The following PDE3A variants were observed in gnomAD, a reference collection of about 807,000 sequenced individuals.
PDE3A encodes cGMP-inhibited 3',5'-cyclic phosphodiesterase 3A.
In PDE3A, 43 loss-of-function variants were observed where a neutral mutation model predicts 98.3. The observed-to-expected ratio is 0.44, with a 90% CI of 0.34 to 0.56. The LOEUF is 0.56. PDE3A is among the 20% of genes least tolerant of loss of function. The probability of loss-of-function intolerance (pLI) is 0.01; values close to 1 mark genes in which losing one functional copy is unlikely to be tolerated. For synonymous variants in PDE3A, 663 were observed against 567.9 expected, an observed-to-expected ratio of 1.17 and a Z score of -2.38; for missense variants, 1,427 against 1,440.7, an observed-to-expected ratio of 0.99 and a Z score of 0.15.
At chr12:20,570,584 A>C (rs1204465311) in intron 2 of PDE3A, among the ~76,000 whole-genome samples, 10 of 152,270 alleles carry the variant, frequency 6.6e-5, no homozygotes, top group African/African-American at 2.2e-4. Flanking sequence ...AAAATAAGGC[A>C]GTGGTTTTCC....
At chr12:20,598,174 A>AATTATTATTATT (rs533512178) in intron 2 of PDE3A, among the ~76,000 whole-genome samples, 111 of 150,156 alleles carry the variant, frequency 7.4e-4, no homozygotes, top group African/African-American at 2.4e-3. Flanking sequence ...TTCTTTTTTT[A>AATTATTATTATT]ATTATTATTA....
intron 1 of PDE3A, among the ~76,000 whole-genome samples, chr12:20,398,814 G>A (rs1431209376): frequency 6.6e-6 from 1 of 152,002 alleles, no homozygotes; most frequent in Non-Finnish European, 1.5e-5. Flanking sequence ...TTAAAATGTG[G>A]TAACATATAC....
chr12:20,520,358 C>G (rs530301164), intron 1 of PDE3A, among the ~76,000 whole-genome samples: 2 of 152,208 alleles, frequency 1.3e-5, no homozygotes, highest in East Asian at 3.9e-4. Context: ...GCATATTTAG[C>G]TAATTATTTG....
chr12:20,620,446 T>C (rs1326259090), intron 4 of PDE3A, among the ~76,000 whole-genome samples: 2 of 152,090 alleles, frequency 1.3e-5, no homozygotes, highest in Non-Finnish European at 2.9e-5. Context: ...CGAAATTCCC[T>C]TCTCTCCCAC....
At chr12:20,578,163 A>C (rs574971880) in intron 2 of PDE3A, among the ~76,000 whole-genome samples, 1 of 152,296 alleles carries the variant, frequency 6.6e-6, no homozygotes, top group Non-Finnish European at 1.5e-5. Flanking sequence ...AGTTAGTCTA[A>C]TATGCTCCCC....
chr12:20,670,289 C>A (rs889784836), intron 15 of PDE3A, among the ~76,000 whole-genome samples: 17 of 147,192 alleles, frequency 1.2e-4, no homozygotes, highest in Middle Eastern at 7.0e-3. Context: ...GACAGATCAA[C>A]GAGACAGAAA....
At position 20,683,663 on chromosome 12, in the gene PDE3A, C is replaced by G. The variant is rs1189160267; in HGVS notation, c.*3392C>G. 1 of 152,018 alleles carries G rather than the reference C, an allele frequency of 6.6e-6. No individual in the cohort carries two copies. Among genetic ancestry groups the G allele is most frequent in the African/African-American group, 2.4e-5 (1 of 41,388 alleles). 9.4% of individuals were successfully genotyped at this position (152,018 alleles called of 1,614,324 possible). On this transcript the variant is annotated 3_prime_UTR_variant, in exon 16 of 16. Transcript: ENST00000359062. ...AATATTTTTTGTCATTTAGATAAGA[C>G]CTGGTTTGGCTCTCAATAAAAGATG...
chr12:20,659,102 C>G (rs73238434), intron 15 of PDE3A, among the ~76,000 whole-genome samples: 3,006 of 152,114 alleles, frequency 0.02, 117 homozygotes, highest in African/African-American at 0.07. Flanking sequence ...CCAAAGTATC[C>G]TGGAAAGTAT....
intron 1 of PDE3A, among the ~76,000 whole-genome samples, chr12:20,416,301 G>T (rs1397377825): frequency 6.6e-6 from 1 of 152,154 alleles, no homozygotes; most frequent in Non-Finnish European, 1.5e-5. Flanking sequence ...TCTAAATTAT[G>T]TGAAACAGAC....
At chr12:20,638,182 T>A (rs1944563584) in intron 9 of PDE3A, among the ~76,000 whole-genome samples, 1 of 152,172 alleles carries the variant, frequency 6.6e-6, no homozygotes, top group African/African-American at 2.4e-5. Flanking sequence ...AGAGATGAGC[T>A]TTCTTTGGAC....
intron 1 of PDE3A, among the ~76,000 whole-genome samples, chr12:20,510,382 T>C (rs1341781424): frequency 6.6e-6 from 1 of 152,108 alleles, no homozygotes; most frequent in Non-Finnish European, 1.5e-5. Flanking sequence ...AAATTGACTA[T>C]ATTTAATTAG....
intron 1 of PDE3A, among the ~76,000 whole-genome samples, chr12:20,550,261 G>A (rs1942162934): frequency 6.6e-6 from 1 of 152,130 alleles, no homozygotes; most frequent in Non-Finnish European, 1.5e-5. Context: ...GAGGATAACA[G>A]TGTTAATAGT....
In PDE3A at chr12:20,369,715, T is replaced by C; in HGVS notation, c.431T>C (p.Phe144Ser). 1 of 1,612,278 alleles carries C rather than the reference T, an allele frequency of 6.2e-7. No homozygotes were observed. Among genetic ancestry groups the C allele is most frequent in the Non-Finnish European group, 8.5e-7 (1 of 1,179,738 alleles). Residue 144 changes from phenylalanine (F) to serine (S), a missense_variant, in exon 1 of 16, where the codon TTC becomes TCC. This residue lies in a region of PDE3A where 1,012 missense variants were observed against 886.5 expected (regional missense o/e 1.14). Transcript: ENST00000359062. Reference protein sequence around the residue: ...ALLFSLLCAFFWMGLYLLRAG... With the variant: ...ALLFSLLCAFSWMGLYLLRAG... ...CTCTTCAGTCTCCTGTGTGCCTTCT[T>C]CTGGATGGGCTTGTACCTCCTGCGC...
chr12:20,437,593 A>T (rs1432683350), intron 1 of PDE3A, among the ~76,000 whole-genome samples: 1 of 152,078 alleles, frequency 6.6e-6, no homozygotes, highest in Non-Finnish European at 1.5e-5. Context: ...CGAGAAAGGG[A>T]GCAAAGTGAA....
Position 20,654,050 on chromosome 12 carries a change from G to T in PDE3A, c.3029G>T (p.Gly1010Val), listed in dbSNP as rs955793355. 1 of 1,614,046 alleles carries T rather than the reference G, an allele frequency of 6.2e-7. No individual in the cohort carries two copies. Among genetic ancestry groups the T allele is most frequent in the Admixed American group, 1.7e-5 (1 of 60,008 alleles). The change falls in exon 15 of 16, where the codon GGG becomes GTG. Residue 1010 changes from glycine to valine, a missense_variant. By Grantham distance (109) the Gly-to-Val change is moderately radical (BLOSUM62 -3). This residue lies in a region of PDE3A where 273 missense variants were observed against 420.3 expected (regional missense o/e 0.65). Transcript: ENST00000359062. The part of the protein sequence containing the change: ...LQESFISHIV[G>V]PLCNSYDSAG... ...GAATCCTTCATCTCTCACATTGTGG[G>T]GCCTCTGTGCAACTCCTATGATTCA...
chr12:20,621,201 A>G, intron 4 of PDE3A, 95 bp from the exon 5 acceptor site: 1 of 698,066 alleles, frequency 1.4e-6, no homozygotes, highest in South Asian at 1.7e-5. Flanking sequence ...CAAATCTATT[A>G]GAGAAATGAT....
chr12:20,394,525 C>G (rs1943973052), intron 1 of PDE3A, among the ~76,000 whole-genome samples: 1 of 152,002 alleles, frequency 6.6e-6, no homozygotes, highest in East Asian at 1.9e-4. Flanking sequence ...AAGAGTTGCA[C>G]CTGGAATTTT....
chr12:20,580,610 G>A (rs1040058485), intron 2 of PDE3A, among the ~76,000 whole-genome samples: 1 of 152,146 alleles, frequency 6.6e-6, no homozygotes, highest in African/African-American at 2.4e-5. Context: ...GAACTAGTGT[G>A]CATTTTGACA....
chr12:20,639,683 C>T (rs968693587), intron 9 of PDE3A, among the ~76,000 whole-genome samples, 163 bp from the exon 10 acceptor site: 2 of 152,068 alleles, frequency 1.3e-5, no homozygotes, highest in African/African-American at 4.8e-5. Flanking sequence ...TACAGCCTGC[C>T]TTTTGATGAC....
Sources: gnomAD v4.1 joint callset for allele counts (sites outside exome capture counted in the v4.1 genomes callset) on GRCh38, gnomAD v4.1.1 for gene constraint, gnomAD v4.1.1 regional missense constraint, MANE v1.5 for transcripts, NCBI Gene and HGNC (gene_info 2026-07-23, HGNC 2026-07-21) for gene names.